Variants in YEATS4 observed in about 807,000 individuals in gnomAD.
YEATS4 encodes YEATS domain containing 4.
A neutral mutation model predicts 30.1 loss-of-function variants in YEATS4; 17 were observed. The observed-to-expected ratio is 0.56, with a 90% CI of 0.39 to 0.85. The LOEUF (loss-of-function observed/expected upper bound fraction) is 0.85. YEATS4 is among the 40% of genes least tolerant of loss of function. The probability of loss-of-function intolerance (pLI) is 0.00; values close to 1 mark genes in which losing one functional copy is unlikely to be tolerated. For missense variants in YEATS4, 142 were observed against 268.3 expected, an observed-to-expected ratio of 0.53 and a Z score of 3.29; for synonymous variants, 85 against 87.5, an observed-to-expected ratio of 0.97 and a Z score of 0.16.
At chr12:69,395,462 A>G (rs1037347478), downstream of YEATS4, among the ~76,000 whole-genome samples, 10 of 150,842 alleles carry the variant, frequency 6.6e-5, no homozygotes, top group Admixed American at 6.6e-5. Context: ...AGTTTGAAAA[A>G]CAGTGTTTAT....
At chr12:69,419,401 T>C in the YEATS4 span, among the ~76,000 whole-genome samples, 48 of 151,944 alleles carry the variant, frequency 3.2e-4, no homozygotes, top group Non-Finnish European at 6.3e-4. Context: ...TTAAAATTTT[T>C]TGTAGAAACG....
chr12:69,376,949 A>G (rs1405798627), intron 6 of YEATS4, among the ~76,000 whole-genome samples: 1 of 152,066 alleles, frequency 6.6e-6, no homozygotes, highest in East Asian at 1.9e-4. Flanking sequence ...TGTGTCTAGG[A>G]ATTTATCCAT....
chr12:69,402,243 G>A, the YEATS4 span, among the ~76,000 whole-genome samples: 1,819 of 152,184 alleles, frequency 0.012, 16 homozygotes, highest in Non-Finnish European at 0.018. Context: ...ACAGAGTCTG[G>A]TCCAGTTGTG....
intron 6 of YEATS4, among the ~76,000 whole-genome samples, chr12:69,387,807 G>A (rs1868269526): frequency 6.6e-6 from 1 of 152,202 alleles, no homozygotes; most frequent in South Asian, 2.1e-4. Flanking sequence ...CTGGGAAGAA[G>A]CACTGATTGG....
the YEATS4 span, among the ~76,000 whole-genome samples, chr12:69,414,510 C>T: frequency 6.6e-6 from 1 of 152,200 alleles, no homozygotes; most frequent in Non-Finnish European, 1.5e-5. Flanking sequence ...GACTAGCAGG[C>T]ATGAGCCACC....
At chr12:69,397,145 A>G in the YEATS4 span, among the ~76,000 whole-genome samples, 1 of 152,226 alleles carries the variant, frequency 6.6e-6, no homozygotes, top group African/African-American at 2.4e-5. Flanking sequence ...TCCCATTATC[A>G]ACTGGGATTT....
At chr12:69,388,062 T>A (rs1392503269) in intron 6 of YEATS4, among the ~76,000 whole-genome samples, 18 of 89,582 alleles carry the variant, frequency 2.0e-4, no homozygotes, top group Non-Finnish European at 3.8e-4. Flanking sequence ...TTTTTATTTT[T>A]ATTTTTTTTT....
chr12:69,418,710 A>G, the YEATS4 span, among the ~76,000 whole-genome samples: 1 of 152,136 alleles, frequency 6.6e-6, no homozygotes, highest in Non-Finnish European at 1.5e-5. Flanking sequence ...ATACCAAACT[A>G]AAGCCTACAT....
chr12:69,377,489 G>T (rs990391541), intron 6 of YEATS4, among the ~76,000 whole-genome samples: 1 of 151,618 alleles, frequency 6.6e-6, no homozygotes, highest in Non-Finnish European at 1.5e-5. Context: ...TTGAACTCTT[G>T]TCCTCAAGCG....
At chr12:69,400,920 G>T in the YEATS4 span, 2 of 152,158 alleles carry the variant, frequency 1.3e-5, no homozygotes, top group Non-Finnish European at 2.9e-5. Flanking sequence ...GCAGTGGTGC[G>T]TGCCTGTAGT....
chr12:69,423,324 A>G, the YEATS4 span, among the ~76,000 whole-genome samples: 140 of 152,368 alleles, frequency 9.2e-4, no homozygotes, highest in Non-Finnish European at 1.4e-3. Flanking sequence ...AAGGAGATAG[A>G]TGAAGAAACA....
chr12:69,371,663 A>G (rs914546687), intron 6 of YEATS4, among the ~76,000 whole-genome samples: 11 of 152,244 alleles, frequency 7.2e-5, no homozygotes. Context: ...TCTAGGTGCT[A>G]GCTGCTGAGG....
chr12:69,369,641 A>G (rs1565676518), intron 4 of YEATS4, among the ~76,000 whole-genome samples: 2 of 152,232 alleles, frequency 1.3e-5, no homozygotes, highest in East Asian at 3.9e-4. Flanking sequence ...GTCATTGTTT[A>G]TTATCCTTCT....
the YEATS4 span, chr12:69,422,588 G>A: frequency 3.0e-5 from 4 of 132,564 alleles, no homozygotes; most frequent in African/African-American, 5.8e-5. Flanking sequence ...CCAAGATGGC[G>A]CCACTGCACT....
chr12:69,410,914 T>C, the YEATS4 span, among the ~76,000 whole-genome samples: 1 of 152,130 alleles, frequency 6.6e-6, no homozygotes, highest in Non-Finnish European at 1.5e-5. Flanking sequence ...ATTGAAAAAA[T>C]CTATTTAAAT....
chr12:69,400,590 G>A, the YEATS4 span, among the ~76,000 whole-genome samples: 1 of 151,930 alleles, frequency 6.6e-6, no homozygotes. Context: ...GCTTACGCCT[G>A]TAATCCCAGC....
At chr12:69,393,285 A>G (rs879894534), downstream of YEATS4, among the ~76,000 whole-genome samples, 1,158 of 152,214 alleles carry the variant, frequency 7.6e-3, 7 homozygotes, top group Middle Eastern at 0.014. Flanking sequence ...TACAAAAAAA[A>G]CCAAACAAAC....
intron 2 of YEATS4, chr12:69,364,185 G>A (rs1437279698): frequency 2.2e-6 from 1 of 449,002 alleles, no homozygotes; most frequent in Non-Finnish European, 4.5e-6. Context: ...AGGCAAAATG[G>A]CTCATTCCTG....
At chr12:69,415,284 G>C in the YEATS4 span, among the ~76,000 whole-genome samples, 1 of 152,266 alleles carries the variant, frequency 6.6e-6, no homozygotes, top group East Asian at 1.9e-4. Context: ...GTGTCAAAAA[G>C]GTATTTGGGG....
Sources: gnomAD v4.1 joint callset for allele counts (sites outside exome capture counted in the v4.1 genomes callset) on GRCh38, gnomAD v4.1.1 for gene constraint, MANE v1.5 for transcripts, NCBI Gene and HGNC (gene_info 2026-07-23, HGNC 2026-07-21) for gene names.